PCDH11X: variants seen among roughly 807,000 people sequenced by gnomAD.
PCDH11X encodes protocadherin 11 X-linked, also known as protocadherin-11 X-linked.
A neutral mutation model predicts 53.3 loss-of-function variants in PCDH11X; 18 were observed. The ratio of observed to expected loss-of-function variants is 0.34; its 90% confidence interval spans 0.23 to 0.50. The LOEUF is 0.50. Ranked by LOEUF, PCDH11X falls within the 20% of genes least tolerant of loss-of-function variation. PCDH11X has a pLI of 0.98. For missense variants in PCDH11X, 570 were observed against 1,032.4 expected, an observed-to-expected ratio of 0.55 and a Z score of 6.14; for synonymous variants, 279 against 393.3, an observed-to-expected ratio of 0.71 and a Z score of 3.44.
intron 6 of PCDH11X, among the ~76,000 whole-genome samples, chrX:92,121,082 T>C (rs1336195433): frequency 9.0e-6 from 1 of 111,666 alleles, no homozygotes; most frequent in Non-Finnish European, 1.9e-5. Context: ...ATGAGTTATG[T>C]ATTTTTAAAT....
intron 8 of PCDH11X, among the ~76,000 whole-genome samples, chrX:92,293,357 G>C (rs919713645): frequency 1.8e-5 from 2 of 110,479 alleles, no homozygotes; most frequent in African/African-American, 6.6e-5. Context: ...AGACACGGTG[G>C]CTGAGGCCTG....
intron 7 of PCDH11X, among the ~76,000 whole-genome samples, chrX:92,206,778 C>T (rs1479653649): frequency 9.0e-6 from 1 of 110,826 alleles, no homozygotes; most frequent in East Asian, 2.9e-4. Context: ...CCATCTGCCT[C>T]GGCCTCCTAA....
chrX:91,971,647 T>A (rs1038226659), intron 6 of PCDH11X, among the ~76,000 whole-genome samples: 1 of 112,031 alleles, frequency 8.9e-6, no homozygotes, highest in African/African-American at 3.2e-5. Flanking sequence ...GTCTCTTAAG[T>A]GACAAATTTT....
At chrX:92,070,142 G>A (rs752550330) in intron 6 of PCDH11X, among the ~76,000 whole-genome samples, 1 of 111,600 alleles carries the variant, frequency 9.0e-6, no homozygotes, top group South Asian at 3.7e-4. Flanking sequence ...AAAAATGTTG[G>A]AGTTATTATT....
chrX:91,916,272 G>C (rs950411801), intron 6 of PCDH11X, among the ~76,000 whole-genome samples: 1 of 110,480 alleles, frequency 9.1e-6, no homozygotes, highest in African/African-American at 3.3e-5. Context: ...CAAGGAACTA[G>C]AGAAACAAGA....
chrX:92,506,911 GT>G (rs2074073493), intron 10 of PCDH11X, among the ~76,000 whole-genome samples: 3 of 109,684 alleles, frequency 2.7e-5, no homozygotes, highest in African/African-American at 1.0e-4. Flanking sequence ...GGCTTTTCAT[GT>G]TGCAATTTAT....
chrX:92,147,985 CTTTCTTTCTTTCTTTCTTTCTTTTTCT>C, intron 6 of PCDH11X, among the ~76,000 whole-genome samples: 2 of 76,701 alleles, frequency 2.6e-5, no homozygotes, highest in African/African-American at 1.4e-4. Context: ...TCCTTCCTTC[CTTTCTTTCTTTCTTTCTTTCTTTTTCT>C]TTCCTTCCTT....
intron 6 of PCDH11X, among the ~76,000 whole-genome samples, chrX:92,042,159 A>G (rs180846849): frequency 0.018 from 1,973 of 111,049 alleles, 38 homozygotes; most frequent in African/African-American, 0.06. Flanking sequence ...ATCCATTAAA[A>G]TTTAATATTT....
chrX:92,323,544 T>C (rs2069259635), intron 8 of PCDH11X, among the ~76,000 whole-genome samples: 1 of 110,976 alleles, frequency 9.0e-6, no homozygotes, highest in Non-Finnish European at 1.9e-5. Context: ...GACTTTCAGA[T>C]ACTGGCTTTC....
intron 6 of PCDH11X, chrX:91,883,725 A>G (rs1940047374): frequency 1.8e-6 from 1 of 562,696 alleles, no homozygotes; most frequent in Middle Eastern, 1.1e-3. Context: ...GAATAGCGTG[A>G]ACCCGGGAGG....
chrX:91,988,885 TCTTG>T lies in PCDH11X; in HGVS notation c.3033+109613_3033+109616del, dbSNP rs747815858. Among the ~76,000 whole-genome samples, 116 of 111,610 alleles carry T rather than the reference TCTTG, an allele frequency of 1.0e-3. 3 individuals carry two copies. The highest frequency in any genetic ancestry group is 9.6e-3 in the Admixed American group (101 of 10,520). ...AGCTCAGCTGTCCAAGGCTACCCATTCTTGGGCTTCCAAGAATTCACTTCTTGAT... is the reference window on the plus strand; with the variant it reads ...AGCTCAGCTGTCCAAGGCTACCCATTGGCTTCCAAGAATTCACTTCTTGAT... On this transcript the variant is annotated intron_variant, in intron 6 of 10. Coordinates refer to ENST00000682573, the MANE Select transcript of PCDH11X (RefSeq NM_032968.5).
At chrX:91,977,431 T>C (rs918637178) in intron 6 of PCDH11X, among the ~76,000 whole-genome samples, 3 of 111,989 alleles carry the variant, frequency 2.7e-5, no homozygotes, top group Non-Finnish European at 5.6e-5. Context: ...AAGAAAGAAA[T>C]ACCCCAAACC....
chrX:92,007,015 A>G, intron 6 of PCDH11X, among the ~76,000 whole-genome samples: 1 of 110,698 alleles, frequency 9.0e-6, no homozygotes, highest in Middle Eastern at 4.7e-3. Flanking sequence ...GACAATAAGC[A>G]CCCCTGTGGT....
In PCDH11X at chrX:91,906,441, G is replaced by A. The variant is rs781128776; in HGVS notation, c.3033+27168G>A. On this transcript the variant is annotated intron_variant, in intron 6 of 10. Coordinates refer to ENST00000682573, the MANE Select transcript of PCDH11X (RefSeq NM_032968.5). ...AAAAGTGACCTTGTATTTGATCAAC[G>A]TCTAGACCAGAGATTCACAACACTG... Among the ~76,000 whole-genome samples, 786 of 108,955 alleles carry A rather than the reference G, an allele frequency of 7.2e-3. 10 individuals are homozygous for A. Among genetic ancestry groups the A allele is most frequent in the African/African-American group, 0.025 (742 of 29,929 alleles). 94.6% of individuals were successfully genotyped at this position (108,955 alleles called of 115,157 possible). A position where few individuals can be genotyped will look rare whatever the true frequency, so the allele number is the denominator to read the frequency against.
At chrX:92,481,263 G>A (rs2148673546) in intron 10 of PCDH11X, among the ~76,000 whole-genome samples, 1 of 106,688 alleles carries the variant, frequency 9.4e-6, no homozygotes. Flanking sequence ...ACTCATGCTG[G>A]CAGCAGTGGA....
chrX:92,129,702 G>A (rs1410634802), intron 6 of PCDH11X, among the ~76,000 whole-genome samples: 2 of 111,297 alleles, frequency 1.8e-5, no homozygotes, highest in East Asian at 2.9e-4. Flanking sequence ...TCAGATTCCT[G>A]TAGGCATCCC....
At chrX:92,371,616 G>T (rs1264831363) in intron 8 of PCDH11X, among the ~76,000 whole-genome samples, 1 of 108,009 alleles carries the variant, frequency 9.3e-6, no homozygotes, top group African/African-American at 3.4e-5. Flanking sequence ...TTACATTCTT[G>T]GTATTGTTCA....
chrX:92,522,727 C>A (rs1251181582), intron 10 of PCDH11X, among the ~76,000 whole-genome samples: 37 of 112,383 alleles, frequency 3.3e-4, no homozygotes, highest in Non-Finnish European at 2.6e-4. Flanking sequence ...ATCTAATTTT[C>A]AAAATAGTCC....
rs754168068 is a variant in PCDH11X, at chrX:91,945,048, CAT to C, written c.3033+65794_3033+65795del. On this transcript the variant is annotated intron_variant, in intron 6 of 10. Coordinates refer to ENST00000682573, the MANE Select transcript of PCDH11X (RefSeq NM_032968.5). ...TCTAAGTCTTCGTAGACATCATATA[CAT>C]ATATATATATATATATATTCTTAAA... 5.4e-3 allele frequency among the ~76,000 whole-genome samples: 340 copies of C among 63,082 alleles called. 10 individuals are homozygous for C. The highest frequency in any genetic ancestry group is 0.014 in the African/African-American group (271 of 19,844). The allele number at this position is 63,082 out of a possible 115,157, so 54.8% of individuals were successfully genotyped here.
Sources: gnomAD v4.1 joint callset for allele counts (sites outside exome capture counted in the v4.1 genomes callset) on GRCh38, gnomAD v4.1.1 for gene constraint, MANE v1.5 for transcripts, NCBI Gene and HGNC (gene_info 2026-07-23, HGNC 2026-07-21) for gene names.